Variants in RP1 observed in about 807,000 individuals in gnomAD.
The protein encoded by RP1 is oxygen-regulated protein 1.
RP1 carries 16 observed loss-of-function variants against 14.8 expected under a neutral mutation model. The ratio of observed to expected loss-of-function variants is 1.08; its 90% CI spans 0.73 to 1.65. The LOEUF (loss-of-function observed/expected upper bound fraction) is 1.65, where lower values mean the gene tolerates loss of function less well. Among genes scored for constraint, RP1 ranks in the 40% most tolerant of loss-of-function variants. The pLI, the probability that RP1 is intolerant of heterozygous loss-of-function variation, is 0.00. For missense variants in RP1, 2,631 were observed against 2,535.0 expected (o/e 1.04, Z -0.81); for synonymous variants, 876 against 883.6 (o/e 0.99, Z 0.15).
intron 18 of RP1, chr8:54,738,846 G>A: frequency 1.5e-6 from 1 of 675,310 alleles, no homozygotes; most frequent in South Asian, 3.0e-5. Flanking sequence ...TTAACTATTA[G>A]GAACAAAAAA....
chr8:54,791,161 G>T (rs377008891), intron 24 of RP1, among the ~76,000 whole-genome samples: 8 of 152,252 alleles, frequency 5.3e-5, no homozygotes, highest in African/African-American at 1.9e-4. Flanking sequence ...TGGATTTCTA[G>T]CAGAACGCTT....
intron 12 of RP1, among the ~76,000 whole-genome samples, chr8:54,692,913 A>C (rs1402941557): frequency 6.6e-6 from 1 of 152,072 alleles, no homozygotes. Flanking sequence ...CCTGAATGGT[A>C]TTGCCTAGGT....
chr8:54,764,439 C>T (rs765213419), intron 22 of RP1, among the ~76,000 whole-genome samples: 50 of 152,214 alleles, frequency 3.3e-4, no homozygotes, highest in Non-Finnish European at 5.6e-4. Flanking sequence ...ACAAAAGATG[C>T]GTCACCTCTG....
chr8:54,690,736 G>A (rs1218018708), intron 12 of RP1, among the ~76,000 whole-genome samples: 2 of 152,002 alleles, frequency 1.3e-5, no homozygotes, highest in Non-Finnish European at 2.9e-5. Flanking sequence ...GCAAATCAGG[G>A]CTATTTGTAT....
chr8:54,627,296 A>G lies in RP1; in HGVS notation c.3414A>G (p.Leu1138=), dbSNP rs1356746741. The G allele has an allele frequency of 3.3e-5, 54 of 1,614,012 alleles. No homozygotes were observed. The highest frequency in any genetic ancestry group is 4.3e-5 in the Non-Finnish European group (51 of 1,179,972). Residue 1138 remains leucine, a synonymous_variant, in exon 4 of 4, where the codon CTA becomes CTG. Transcript: ENST00000220676. ...LLLAWLLVLN[L]KGSMNSFCQV... is the part of the protein sequence containing the mutation. Reference sequence around the variant, plus strand: ...TAGCTTGGCTCTTGGTGCTAAACCTAAAGGGAAGTATGAATAGCTTCTGTC... The same window carrying G: ...TAGCTTGGCTCTTGGTGCTAAACCTGAAGGGAAGTATGAATAGCTTCTGTC...
intron 25 of RP1, among the ~76,000 whole-genome samples, chr8:54,838,798 G>A (rs1811726456): frequency 6.6e-6 from 1 of 152,122 alleles, no homozygotes; most frequent in Non-Finnish European, 1.5e-5. Context: ...AGGAGGCAGA[G>A]GTTCTTAGAG....
In RP1 at chr8:54,699,427, A is replaced by C. The variant is rs1473464793; in HGVS notation, c.1718-40A>C. 2.7e-6 allele frequency: 3 copies of C among 1,105,984 alleles called. No individual in the cohort carries two copies. The South Asian group carries it at 8.0e-5, about 30-fold the overall frequency. The allele number at this position is 1,105,984 out of a possible 1,614,324, so 68.5% of individuals were successfully genotyped here. ...TATATTGAATGAAAAAAGTTTTAAA[A>C]GCCAAACTTGCTTTCTAATACTTTA... is the stretch of plus-strand genomic sequence containing the variant. On this transcript the variant is annotated intron_variant, in intron 12 of 22. Coordinates refer to the RP1 transcript ENST00000636932.
rs552653104 is a variant in RP1 at position 54,688,952 on chromosome 8, T to C, written c.1717+9019T>C. Among the ~76,000 whole-genome samples, 25 of 152,344 alleles carry C rather than the reference T, an allele frequency of 1.6e-4. No homozygotes were observed. The East Asian group carries it at 3.7e-3, about 22-fold the overall frequency. The stretch of plus-strand genomic sequence containing the variant: ...ATTCTTCCTATCCATGAGCATGGAA[T>C]GTTTTTCCATTTGTTTGTGTCATCT... On this transcript the variant is annotated intron_variant, in intron 12 of 22. Coordinates refer to the RP1 transcript ENST00000636932.
At chr8:54,602,489 A>G (rs1038765849) in intron 1 of RP1, among the ~76,000 whole-genome samples, 1 of 152,200 alleles carries the variant, frequency 6.6e-6, no homozygotes, top group African/African-American at 2.4e-5. Flanking sequence ...TAGTGCTGCA[A>G]TAAACATACA....
chr8:54,586,888 T>A (rs1489792374), intron 1 of RP1, among the ~76,000 whole-genome samples: 1 of 152,156 alleles, frequency 6.6e-6, no homozygotes, highest in East Asian at 1.9e-4. Context: ...CCAGGTGCCG[T>A]CTGTCACCCC....
At chr8:54,720,142 T>C (rs761342452) in exon 16 of RP1, 22 of 1,534,312 alleles carry the variant, frequency 1.4e-5, no homozygotes, top group Middle Eastern at 1.7e-4. Context: ...ACAGGAGATG[T>C]TGACTGTCAT....
intron 28 of RP1, among the ~76,000 whole-genome samples, chr8:54,866,331 A>T (rs1812458372): frequency 6.6e-6 from 1 of 152,144 alleles, no homozygotes; most frequent in South Asian, 2.1e-4. Context: ...TTAAACTCAA[A>T]TGATGTTATA....
At chr8:54,584,768 C>T (rs1804879379) in intron 1 of RP1, among the ~76,000 whole-genome samples, 1 of 152,086 alleles carries the variant, frequency 6.6e-6, no homozygotes, top group Admixed American at 6.6e-5. Flanking sequence ...CCTTCTTTGT[C>T]TCTTTTGATC....
chr8:54,771,441 A>C (rs1210495581), downstream of RP1, among the ~76,000 whole-genome samples: 1 of 152,092 alleles, frequency 6.6e-6, no homozygotes, highest in Non-Finnish European at 1.5e-5. Flanking sequence ...AAGACATGTA[A>C]TCAACATCAG....
chr8:54,617,381 T>C (rs1805744775), intron 1 of RP1, among the ~76,000 whole-genome samples: 1 of 152,218 alleles, frequency 6.6e-6, no homozygotes, highest in South Asian at 2.1e-4. Flanking sequence ...AAAGATACAT[T>C]GCTAAATTTC....
rs188068803 is a variant in RP1, at chr8:54,687,941, G to A, written c.1717+8008G>A. ...ACACTCCCACCAACAGTGTAAAAGC[G>A]TTCCTATTTCTCCACATCCCCTCCA... On this transcript the variant is annotated intron_variant, in intron 12 of 22. Transcript: ENST00000636932. 7.7e-3 allele frequency among the ~76,000 whole-genome samples: 1,167 copies of A among 152,274 alleles called. 20 individuals are homozygous for A. The highest frequency in any genetic ancestry group is 0.027 in the African/African-American group (1,102 of 41,554).
chr8:54,774,893 TACTC>T (rs1378957032), downstream of RP1, among the ~76,000 whole-genome samples: 2 of 152,188 alleles, frequency 1.3e-5, no homozygotes, highest in Admixed American at 6.5e-5. Flanking sequence ...GAAATAGACT[TACTC>T]AATCAGAGTA....
chr8:54,751,793 C>T (rs1809377762), intron 19 of RP1, among the ~76,000 whole-genome samples: 1 of 152,192 alleles, frequency 6.6e-6, no homozygotes, highest in Admixed American at 6.5e-5. Context: ...TAAAAACAAA[C>T]ATTGCTGGAG....
chr8:54,750,843 G>A (rs1018345708), intron 19 of RP1, among the ~76,000 whole-genome samples: 1 of 152,182 alleles, frequency 6.6e-6, no homozygotes, highest in Non-Finnish European at 1.5e-5. Context: ...CAATCAGCAG[G>A]ACTCTGAAAG....
Sources: gnomAD v4.1 joint callset for allele counts (sites outside exome capture counted in the v4.1 genomes callset) on GRCh38, gnomAD v4.1.1 for gene constraint, MANE v1.5 for transcripts, NCBI Gene and HGNC (gene_info 2026-07-23, HGNC 2026-07-21) for gene names.